PLCZ1: variants seen among roughly 807,000 people sequenced by gnomAD.
PLCZ1 encodes phospholipase C zeta 1, also known as 1-phosphatidylinositol 4,5-bisphosphate phosphodiesterase zeta-1.
PLCZ1 carries 64 observed loss-of-function variants against 76.8 expected under a neutral mutation model. The observed-to-expected ratio is 0.83, with a 90% CI of 0.68 to 1.03. The LOEUF (loss-of-function observed/expected upper bound fraction) is 1.03. Ranked by LOEUF, PLCZ1 falls within the 50% of genes least tolerant of loss-of-function variation. The pLI is 0.00. For synonymous variants in PLCZ1, 248 were observed against 230.8 expected (o/e 1.07, Z -0.68); for missense variants, 751 against 713.7 (o/e 1.05, Z -0.60).
At chr12:18,667,762 AT>A in the PLCZ1 span, among the ~76,000 whole-genome samples, 1 of 152,234 alleles carries the variant, frequency 6.6e-6, no homozygotes, top group African/African-American at 2.4e-5. Flanking sequence ...ATGAAACTCT[AT>A]AAAGTTAAGA....
At chr12:18,675,552 A>G in the PLCZ1 span, among the ~76,000 whole-genome samples, 2 of 152,180 alleles carry the variant, frequency 1.3e-5, no homozygotes, top group Admixed American at 1.3e-4. Flanking sequence ...TGATTATATC[A>G]AAAACATACC....
intron 3 of PLCZ1, among the ~76,000 whole-genome samples, chr12:18,726,777 TAAAATTACACTA>T (rs1405708056): frequency 6.6e-6 from 1 of 152,188 alleles, no homozygotes; most frequent in East Asian, 1.9e-4. Flanking sequence ...TGGTTGTATC[TAAAATTACACTA>T]AAAATAAAGC....
At chr12:18,690,590 T>C (rs1031935457) in intron 12 of PLCZ1, among the ~76,000 whole-genome samples, 31 of 152,104 alleles carry the variant, frequency 2.0e-4, no homozygotes, top group African/African-American at 7.2e-4. Flanking sequence ...AAATAAACAA[T>C]TATAAAACCT....
intron 13 of PLCZ1, among the ~76,000 whole-genome samples, chr12:18,686,628 A>G (rs779363448): frequency 2.0e-5 from 3 of 152,056 alleles, no homozygotes; most frequent in Non-Finnish European, 4.4e-5. Context: ...TCATTCTCCA[A>G]GAACCATCTC....
intron 12 of PLCZ1, chr12:18,694,077 C>T: frequency 1.6e-6 from 2 of 1,222,446 alleles, no homozygotes; most frequent in South Asian, 2.5e-5. Flanking sequence ...CAGGAAGACA[C>T]CCCTGAGGGG....
downstream of PLCZ1, among the ~76,000 whole-genome samples, chr12:18,681,647 T>C (rs903463369): frequency 8.5e-5 from 13 of 152,064 alleles, no homozygotes; most frequent in African/African-American, 2.9e-4. Context: ...ATCATAAGAT[T>C]CTTGAACAAG....
chr12:18,685,844 G>A (rs111750095), intron 13 of PLCZ1, among the ~76,000 whole-genome samples: 11 of 48,232 alleles, frequency 2.3e-4, no homozygotes, highest in South Asian at 9.4e-4. Context: ...ACACACACAC[G>A]CGCACACACA....
chr12:18,691,173 T>A, intron 12 of PLCZ1, among the ~76,000 whole-genome samples: 1 of 152,064 alleles, frequency 6.6e-6, no homozygotes, highest in East Asian at 1.9e-4. Context: ...TTGGTCTGGA[T>A]GTGGGATGTG....
intron 6 of PLCZ1, among the ~76,000 whole-genome samples, chr12:18,709,301 C>T (rs1335679435): frequency 6.6e-6 from 1 of 152,032 alleles, no homozygotes; most frequent in Non-Finnish European, 1.5e-5. Flanking sequence ...TTCTTGGTCT[C>T]CTTGACAAAA....
At chr12:18,651,696 AG>A in the PLCZ1 span, among the ~76,000 whole-genome samples, 1 of 152,142 alleles carries the variant, frequency 6.6e-6, no homozygotes, top group Non-Finnish European at 1.5e-5. Context: ...CCTTTTCTCT[AG>A]ATCCATTCAT....
chr12:18,700,451 A>C (rs1046820837), intron 9 of PLCZ1, among the ~76,000 whole-genome samples: 1 of 136,234 alleles, frequency 7.3e-6, no homozygotes, highest in Non-Finnish European at 1.5e-5. Flanking sequence ...AGAGCTTTGC[A>C]TTCCCCTAGC....
chr12:18,680,488 C>G (rs1368900350), downstream of PLCZ1, among the ~76,000 whole-genome samples: 1 of 152,008 alleles, frequency 6.6e-6, no homozygotes, highest in African/African-American at 2.4e-5. Flanking sequence ...TCATTTACCT[C>G]CAGTGACCAT....
intron 12 of PLCZ1, 86 bp downstream of exon 12, chr12:18,694,824 C>G (rs987305069): frequency 3.7e-6 from 4 of 1,072,156 alleles, no homozygotes; most frequent in Non-Finnish European, 4.0e-6. Flanking sequence ...GAAATTGAAG[C>G]AAATCAGTGG....
At chr12:18,697,553 CAT>C (rs1462959183) in intron 10 of PLCZ1, among the ~76,000 whole-genome samples, 3 of 152,022 alleles carry the variant, frequency 2.0e-5, no homozygotes, top group Non-Finnish European at 4.4e-5. Flanking sequence ...AGAAAATAAA[CAT>C]GTTTGTTATT....
At chr12:18,711,099 G>A (rs993547466) in intron 6 of PLCZ1, among the ~76,000 whole-genome samples, 3 of 151,886 alleles carry the variant, frequency 2.0e-5, no homozygotes, top group Admixed American at 6.6e-5. Context: ...GTTTATTGCG[G>A]CACTATTCAC....
intron 7 of PLCZ1, 91 bp downstream of exon 7, chr12:18,705,075 G>C (rs1956435355): frequency 6.8e-7 from 1 of 1,477,374 alleles, no homozygotes; most frequent in Non-Finnish European, 9.4e-7. Flanking sequence ...CATTTTCATT[G>C]GTCTCTAGCC....
the PLCZ1 span, among the ~76,000 whole-genome samples, chr12:18,651,218 T>C: frequency 6.6e-6 from 1 of 152,002 alleles, no homozygotes; most frequent in African/African-American, 2.4e-5. Flanking sequence ...CAACTCCTTC[T>C]TCCCAAAATG....
chr12:18,715,192 G>GGAGA (rs140208258), intron 5 of PLCZ1, among the ~76,000 whole-genome samples: 241 of 8,944 alleles, frequency 0.027, 55 homozygotes, highest in African/African-American at 0.076. Flanking sequence ...GCGGAGGGAG[G>GGAGA]GAGAGAGAGA....
intron 9 of PLCZ1, among the ~76,000 whole-genome samples, chr12:18,700,538 A>AAAAAAAAGG (rs1370935394): frequency 7.4e-5 from 10 of 135,982 alleles, no homozygotes; most frequent in Non-Finnish European, 1.1e-4. Context: ...AAAAAAAAAT[A>AAAAAAAAGG]GTTGCTCTGC....
Sources: allele counts gnomAD v4.1 joint callset (sites outside exome capture counted in the v4.1 genomes callset), GRCh38; gene constraint gnomAD v4.1.1; transcripts MANE v1.5; gene names NCBI Gene and HGNC (gene_info 2026-07-23, HGNC 2026-07-21).